The following TAOK3 variants were observed in gnomAD, a reference collection of about 807,000 sequenced individuals.
TAOK3 encodes the protein TAO kinase 3.
A neutral mutation model predicts 120.4 loss-of-function variants in TAOK3; 40 were observed. The ratio of observed to expected loss-of-function variants is 0.33; its 90% confidence interval spans 0.26 to 0.43. TAOK3 has a LOEUF of 0.43. TAOK3 is among the 20% of genes least tolerant of loss of function. TAOK3 has a pLI of 1.00. For synonymous variants in TAOK3, 355 were observed against 387.5 expected, an observed-to-expected ratio of 0.92 and a Z score of 0.99; for missense variants, 821 against 1,112.1, an observed-to-expected ratio of 0.74 and a Z score of 3.72.
chr12:118,211,108 G>A (rs1046944154), intron 11 of TAOK3, among the ~76,000 whole-genome samples: 8 of 152,168 alleles, frequency 5.3e-5, no homozygotes, highest in African/African-American at 1.9e-4. Context: ...GTGTACTACT[G>A]TATTCTCTGC....
chr12:118,199,395 A>G, intron 12 of TAOK3, 138 bp from the exon 13 acceptor site: 1 of 662,180 alleles, frequency 1.5e-6, no homozygotes, highest in Non-Finnish European at 2.7e-6. Context: ...CTTTTTATGT[A>G]CTGGCTCCAC....
At chr12:118,158,634 C>A (rs945246402) in intron 19 of TAOK3, among the ~76,000 whole-genome samples, 1 of 152,188 alleles carries the variant, frequency 6.6e-6, no homozygotes, top group Admixed American at 6.5e-5. Flanking sequence ...GTTCTCTCAT[C>A]ACCTTTTTCC....
At chr12:118,218,208 A>G (rs376032978) in intron 9 of TAOK3, among the ~76,000 whole-genome samples, 156 of 152,090 alleles carry the variant, frequency 1.0e-3, no homozygotes, top group African/African-American at 3.5e-3. Flanking sequence ...TAACAAGTGG[A>G]AATTTGGAAG....
intron 15 of TAOK3, 138 bp downstream of exon 15, chr12:118,181,233 A>G: frequency 4.3e-6 from 3 of 695,170 alleles, no homozygotes; most frequent in Non-Finnish European, 7.6e-6. Context: ...GCCCTATAAA[A>G]TCTAGAAACC....
chr12:118,181,328 C>G, intron 15 of TAOK3, 43 bp downstream of exon 15: 2 of 1,520,122 alleles, frequency 1.3e-6, no homozygotes, highest in Non-Finnish European at 1.8e-6. Context: ...CCCCAACAGG[C>G]TGGGCTTGGT....
chr12:118,195,973 G>C (rs768102769), intron 13 of TAOK3, among the ~76,000 whole-genome samples: 1 of 151,986 alleles, frequency 6.6e-6, no homozygotes, highest in African/African-American at 2.4e-5. Flanking sequence ...TGGCGTGAAC[G>C]CAGGAGGCGG....
intron 19 of TAOK3, among the ~76,000 whole-genome samples, chr12:118,153,917 A>C (rs1466159055): frequency 6.6e-6 from 1 of 152,236 alleles, no homozygotes; most frequent in Non-Finnish European, 1.5e-5. Flanking sequence ...TTACATAATC[A>C]TATTTCCAAG....
At chr12:118,195,304 TA>T (rs1298365477) in intron 13 of TAOK3, among the ~76,000 whole-genome samples, 1 of 152,188 alleles carries the variant, frequency 6.6e-6, no homozygotes, top group Non-Finnish European at 1.5e-5. Context: ...TTTAGTAAAA[TA>T]AAAATACACC....
intron 1 of TAOK3, among the ~76,000 whole-genome samples, chr12:118,351,285 G>A (rs893892866): frequency 5.3e-5 from 8 of 152,178 alleles, no homozygotes; most frequent in Non-Finnish European, 8.8e-5. Context: ...CCCTTCCTAT[G>A]TGTTTTTCTA....
At chr12:118,179,643 G>GTTTTT (rs566111629) in intron 15 of TAOK3, among the ~76,000 whole-genome samples, 2 of 123,642 alleles carry the variant, frequency 1.6e-5, no homozygotes, top group African/African-American at 6.0e-5. Flanking sequence ...TTACCCTTCT[G>GTTTTT]TTTTTTTTTT....
chr12:118,347,641 C>G (rs1469341135), intron 1 of TAOK3, among the ~76,000 whole-genome samples: 1 of 152,176 alleles, frequency 6.6e-6, no homozygotes, highest in Non-Finnish European at 1.5e-5. Context: ...TTCCAACCCA[C>G]CTCTTCTGGC....
intron 3 of TAOK3, among the ~76,000 whole-genome samples, chr12:118,253,504 G>A (rs2040843424): frequency 6.6e-6 from 1 of 151,730 alleles, no homozygotes; most frequent in South Asian, 2.1e-4. Flanking sequence ...TGGGGAGGCC[G>A]AGACGGGTAG....
At chr12:118,169,323 C>A (rs568610990) in intron 17 of TAOK3, among the ~76,000 whole-genome samples, 5 of 104,892 alleles carry the variant, frequency 4.8e-5, no homozygotes, top group African/African-American at 1.9e-4. Context: ...CCCACCCCCC[C>A]CCCTTTTTTT....
At chr12:118,269,605 G>A (rs916900081) in intron 1 of TAOK3, among the ~76,000 whole-genome samples, 4 of 151,958 alleles carry the variant, frequency 2.6e-5, no homozygotes, top group Non-Finnish European at 5.9e-5. Context: ...CCTGACTTGC[G>A]ATGATGCACC....
At chr12:118,364,674 A>G (rs982611548) in intron 1 of TAOK3, among the ~76,000 whole-genome samples, 2 of 152,092 alleles carry the variant, frequency 1.3e-5, no homozygotes, top group African/African-American at 4.8e-5. Flanking sequence ...TCGAGAGGCC[A>G]AGGCAGGAGG....
At chr12:118,217,776 T>C (rs1365047034) in intron 9 of TAOK3, among the ~76,000 whole-genome samples, 4 of 142,966 alleles carry the variant, frequency 2.8e-5, no homozygotes, top group African/African-American at 1.0e-4. Flanking sequence ...ATTTTATGTA[T>C]ATATGTATAT....
chr12:118,362,172 A>C (rs1291126172), intron 1 of TAOK3, among the ~76,000 whole-genome samples: 2 of 152,128 alleles, frequency 1.3e-5, no homozygotes, highest in Non-Finnish European at 2.9e-5. Context: ...GAGATACAGC[A>C]ATTAATAAAA....
chr12:118,269,999 T>C (rs2041632658), intron 1 of TAOK3, among the ~76,000 whole-genome samples: 2 of 152,248 alleles, frequency 1.3e-5, no homozygotes, highest in Admixed American at 1.3e-4. Context: ...CTCTTCTCTC[T>C]GATGCCTAAA....
intron 17 of TAOK3, among the ~76,000 whole-genome samples, chr12:118,167,052 G>A (rs113867656): frequency 2.1e-4 from 32 of 152,196 alleles, no homozygotes; most frequent in African/African-American, 7.2e-4. Context: ...GTAAAAACGA[G>A]AATTCTAACT....
Sources: allele counts gnomAD v4.1 joint callset (sites outside exome capture counted in the v4.1 genomes callset), GRCh38; gene constraint gnomAD v4.1.1; transcripts MANE v1.5; gene names NCBI Gene and HGNC (gene_info 2026-07-23, HGNC 2026-07-21).